The following BCAR3 variants were observed in gnomAD, a reference collection of about 807,000 sequenced individuals.
BCAR3 encodes breast cancer anti-estrogen resistance protein 3.
BCAR3 carries 37 observed loss-of-function variants against 80.1 expected under a neutral mutation model. The ratio of observed to expected loss-of-function variants is 0.46; its 90% CI spans 0.36 to 0.61. The LOEUF (loss-of-function observed/expected upper bound fraction) is 0.61. Ranked by LOEUF, BCAR3 falls within the 20% of genes least tolerant of loss-of-function variation. The pLI is 0.00. For missense variants in BCAR3, 978 were observed against 1,068.2 expected (o/e 0.92, Z 1.18); for synonymous variants, 389 against 418.9 (o/e 0.93, Z 0.87).
chr1:93,631,009 C>T (rs57866435), intron 3 of BCAR3, among the ~76,000 whole-genome samples: 4,628 of 152,324 alleles, frequency 0.03, 79 homozygotes, highest in Middle Eastern at 0.054. Flanking sequence ...AACTTGGCTA[C>T]TTTAAAATAG....
chr1:93,708,626 T>C (rs1313393295), intron 2 of BCAR3, among the ~76,000 whole-genome samples: 1 of 152,340 alleles, frequency 6.6e-6, no homozygotes, highest in East Asian at 1.9e-4. Context: ...AATAAAACTT[T>C]GGGCTCACAG....
chr1:93,567,648 G>A (rs1673011493), intron 10 of BCAR3, 92 bp downstream of exon 10: 2 of 1,408,676 alleles, frequency 1.4e-6, no homozygotes, highest in South Asian at 2.5e-5. Flanking sequence ...CCACAGTGCT[G>A]CAGATAACTC....
At chr1:93,710,486 T>C (rs1290657842) in intron 2 of BCAR3, among the ~76,000 whole-genome samples, 1 of 152,222 alleles carries the variant, frequency 6.6e-6, no homozygotes, top group Non-Finnish European at 1.5e-5. Flanking sequence ...CTGGGTTTCC[T>C]TGAAGCCCCT....
At chr1:93,829,373 G>A (rs950405874) in intron 2 of BCAR3, among the ~76,000 whole-genome samples, 1 of 152,030 alleles carries the variant, frequency 6.6e-6, no homozygotes, top group Non-Finnish European at 1.5e-5. Flanking sequence ...TGAGAGACCT[G>A]GTGACAAGGA....
rs576419493 is a variant in BCAR3 at position 93,731,555 on chromosome 1, C to T, written c.-62-25413G>A. ...GGCTGGAAAGGAAGAAGGTACAAGG[C>T]CAGGGGCTCAGCTATGAAAACATGT... On this transcript the variant is annotated intron_variant, in intron 2 of 13. Transcript: ENST00000370244. 4.0e-5 allele frequency among the ~76,000 whole-genome samples: 6 copies of T among 151,886 alleles called. No individual in the cohort carries two copies. The South Asian group carries it at 1.3e-3, about 32-fold the overall frequency.
At chr1:93,843,335 C>G (rs1030658728) in intron 2 of BCAR3, among the ~76,000 whole-genome samples, 1 of 152,186 alleles carries the variant, frequency 6.6e-6, no homozygotes, top group Non-Finnish European at 1.5e-5. Context: ...TCCTTTGTTT[C>G]TGCAGGATGT....
chr1:93,709,316 C>A (rs1649935523), intron 2 of BCAR3, among the ~76,000 whole-genome samples: 1 of 152,210 alleles, frequency 6.6e-6, no homozygotes, highest in African/African-American at 2.4e-5. Flanking sequence ...TTTACAGCTG[C>A]ATCTCTTCTT....
intron 1 of BCAR3, among the ~76,000 whole-genome samples, chr1:93,680,570 C>T (rs962569964): frequency 1.3e-5 from 2 of 152,236 alleles, no homozygotes; most frequent in Non-Finnish European, 2.9e-5. Flanking sequence ...CCAAAATGAC[C>T]TTCCCTCGGC....
At chr1:93,689,111 A>G (rs1264134056) in intron 3 of BCAR3, among the ~76,000 whole-genome samples, 1 of 152,202 alleles carries the variant, frequency 6.6e-6, no homozygotes, top group Non-Finnish European at 1.5e-5. Context: ...CTAGCAGGGA[A>G]CATGGCATGG....
At chr1:93,773,299 A>G (rs541633384) in intron 2 of BCAR3, among the ~76,000 whole-genome samples, 38 of 152,240 alleles carry the variant, frequency 2.5e-4, no homozygotes, top group Non-Finnish European at 4.8e-4. Flanking sequence ...CAATGTCAAA[A>G]GACTTGAGAG....
intron 2 of BCAR3, among the ~76,000 whole-genome samples, chr1:93,706,687 T>C (rs1649837235): frequency 1.3e-5 from 2 of 152,226 alleles, no homozygotes; most frequent in Admixed American, 6.5e-5. Flanking sequence ...AATGAGTTAA[T>C]ATCTATTTGG....
rs1007596416 is a variant in BCAR3 at position 93,645,874 on chromosome 1, C to T, written c.318-3531G>A. Among the ~76,000 whole-genome samples the T allele has an allele frequency of 3.9e-5, 6 of 152,072 alleles. No homozygotes were observed. The East Asian group carries it at 9.6e-4, about 24-fold the overall frequency. On this transcript the variant is annotated intron_variant, in intron 2 of 11. Coordinates refer to ENST00000260502, the MANE Select transcript of BCAR3 (RefSeq NM_003567.4). ...TGTAAATTTTGCTATCGGATCTTCACCTAAGTTCTTTCCTTTCATATGAAA... is the reference window on the plus strand; with the variant it reads ...TGTAAATTTTGCTATCGGATCTTCATCTAAGTTCTTTCCTTTCATATGAAA...
At position 93,582,641 on chromosome 1, in the gene BCAR3, C is replaced by T; in HGVS notation, c.1346G>A (p.Cys449Tyr). The change falls in exon 7 of 12, where the codon TGT becomes TAT. Residue 449 changes from cysteine to tyrosine, a missense_variant. By Grantham distance (194) the Cys-to-Tyr change is radical. Coordinates refer to ENST00000260502, the MANE Select transcript of BCAR3 (RefSeq NM_003567.4). The part of the protein sequence containing the change: ...GCGRGAKLPS[C>Y]AQGSHTELLT... ...CAGTTCTGTGTGGCTTCCCTGGGCACATGAGGGTAGCTTTGCTCCCCTGCC... is the reference window on the plus strand; with the variant it reads ...CAGTTCTGTGTGGCTTCCCTGGGCATATGAGGGTAGCTTTGCTCCCCTGCC... The T allele has an allele frequency of 6.2e-7, 1 of 1,613,996 alleles. No homozygotes were observed. Among genetic ancestry groups the T allele is most frequent in the Non-Finnish European group, 8.5e-7 (1 of 1,179,996 alleles).
intron 10 of BCAR3, 53 bp downstream of exon 10, chr1:93,567,687 G>A: frequency 1.3e-6 from 2 of 1,533,568 alleles, no homozygotes; most frequent in East Asian, 2.2e-5. Context: ...CTGTGTACTT[G>A]TACTCCACTC....
At chr1:93,798,954 G>A (rs1212239214) in intron 2 of BCAR3, among the ~76,000 whole-genome samples, 1 of 152,200 alleles carries the variant, frequency 6.6e-6, no homozygotes, top group African/African-American at 2.4e-5. Context: ...TACAGCAAGA[G>A]AGGGTAATGT....
At position 93,589,022 on chromosome 1, in the gene BCAR3, C is replaced by T. The variant is rs1163643323; in HGVS notation, c.884G>A (p.Gly295Asp). 3 of 1,601,580 alleles carry T rather than the reference C, an allele frequency of 1.9e-6. No individual in the cohort carries two copies. The South Asian group carries it at 3.3e-5, about 18-fold the overall frequency. ...CAAATTCTGCTCTCGGGCCTGGACG[C>T]CACCCATGGTGAGGCTCAGCCTCTT... ...VAKRLSLTMG[G>D]VQAREQNLPR... The change falls in exon 5 of 12, where the codon GGC becomes GAC. Residue 295 changes from glycine to aspartate, a missense_variant. Physicochemically the swap from Gly to Asp is moderately conservative, Grantham distance 94. Transcript: ENST00000260502.
At chr1:93,743,512 A>G (rs933145888) in intron 2 of BCAR3, among the ~76,000 whole-genome samples, 2 of 152,342 alleles carry the variant, frequency 1.3e-5, no homozygotes, top group African/African-American at 4.8e-5. Flanking sequence ...TTCATAAAAA[A>G]TAAATTCATT....
At chr1:93,795,449 G>A (rs371878595) in intron 2 of BCAR3, among the ~76,000 whole-genome samples, 1 of 94,250 alleles carries the variant, frequency 1.1e-5, no homozygotes, top group Admixed American at 1.3e-4. Context: ...TGATCACATC[G>A]GCTCCTGAGG....
At chr1:93,779,403 T>C (rs1370437372) in intron 2 of BCAR3, among the ~76,000 whole-genome samples, 1 of 152,176 alleles carries the variant, frequency 6.6e-6, no homozygotes, top group East Asian at 1.9e-4. Flanking sequence ...GTGGCTTACA[T>C]TCTAGTGAGA....
Sources: gnomAD v4.1 joint callset for allele counts (sites outside exome capture counted in the v4.1 genomes callset) on GRCh38, gnomAD v4.1.1 for gene constraint, MANE v1.5 for transcripts, NCBI Gene and HGNC (gene_info 2026-07-23, HGNC 2026-07-21) for gene names.